Variants in NNT observed in about 807,000 individuals in gnomAD.
NNT encodes NAD(P) transhydrogenase, mitochondrial.
In NNT, 50 loss-of-function variants were observed where a neutral mutation model predicts 104.8. The observed-to-expected ratio is 0.48, with a 90% CI of 0.38 to 0.60. The LOEUF (loss-of-function observed/expected upper bound fraction) is 0.60. Ranked by LOEUF, NNT falls within the 20% of genes least tolerant of loss-of-function variation. The pLI, the probability that NNT is intolerant of heterozygous loss-of-function variation, is 0.00. For synonymous variants in NNT, 461 were observed against 490.4 expected (o/e 0.94, Z 0.79); for missense variants, 1,131 against 1,330.7 (o/e 0.85, Z 2.33).
In NNT at chr5:43,644,340, G is replaced by A. The variant is rs3764980; in HGVS notation, c.1098+15G>A. On this transcript the variant is annotated intron_variant, in intron 8 of 21. Transcript: ENST00000344920. Reference sequence around the variant, plus strand: ...ACATTCATAAGGTATAGCAAGATGCGTTTTCTATCTGTGATCACTTCTCAT... The same window carrying A: ...ACATTCATAAGGTATAGCAAGATGCATTTTCTATCTGTGATCACTTCTCAT... The A allele has an allele frequency of 0.04, 63,909 of 1,609,166 alleles. 1,672 individuals are homozygous for A. Among genetic ancestry groups the A allele is most frequent in the East Asian group, 0.11 (5,116 of 44,802 alleles).
chr5:43,665,536 A>G (rs1377240580), intron 17 of NNT, among the ~76,000 whole-genome samples: 1 of 152,200 alleles, frequency 6.6e-6, no homozygotes, highest in Non-Finnish European at 1.5e-5. Flanking sequence ...TGTTTCAGAA[A>G]GCACCGGGTT....
intron 10 of NNT, among the ~76,000 whole-genome samples, chr5:43,646,464 ATTTT>A (rs373535709): frequency 7.3e-6 from 1 of 136,316 alleles, no homozygotes; most frequent in Non-Finnish European, 1.6e-5. Context: ...TAATTTTTGT[ATTTT>A]TTTTTTTTTT....
intron 17 of NNT, among the ~76,000 whole-genome samples, chr5:43,672,795 C>G (rs994995955): frequency 6.6e-6 from 1 of 152,162 alleles, no homozygotes; most frequent in African/African-American, 2.4e-5. Flanking sequence ...GGGAGAACCA[C>G]TACTCTCTTC....
chr5:43,686,238 AT>A lies in NNT; in HGVS notation c.2876+8446del, dbSNP rs71610328. Among the ~76,000 whole-genome samples the A allele has an allele frequency of 4.7e-3, 660 of 141,880 alleles. 1 individual carries two copies. Among genetic ancestry groups the A allele is most frequent in the Admixed American group, 5.7e-3 (80 of 14,152 alleles). The allele number at this position is 141,880 out of a possible 152,430, so 93.1% of individuals were successfully genotyped here. A position where few individuals can be genotyped will look rare whatever the true frequency, so the allele number is the denominator to read the frequency against. Reference sequence around the variant, plus strand: ...AGAGGAAAATAACAAATACTGTTGAATTTTTTTTTTTTTTGCTTCAAGATAT... The same window carrying A: ...AGAGGAAAATAACAAATACTGTTGAATTTTTTTTTTTTTGCTTCAAGATAT... On this transcript the variant is annotated intron_variant, in intron 19 of 21. Coordinates refer to ENST00000344920, the MANE Select transcript of NNT (RefSeq NM_182977.3).
intron 1 of NNT, among the ~76,000 whole-genome samples, chr5:43,606,574 T>C (rs1749235277): frequency 6.6e-6 from 1 of 152,212 alleles, no homozygotes; most frequent in South Asian, 2.1e-4. Flanking sequence ...CAAATAATTA[T>C]TCATACATAT....
rs752504535 is a variant in NNT at position 43,702,777 on chromosome 5, T to C, written c.3111+41T>C. 25 of 1,380,848 alleles carry C rather than the reference T, an allele frequency of 1.8e-5. No individual in the cohort carries two copies. In the African/African-American group the frequency reaches 3.6e-4, roughly 20 times the overall value. The allele number at this position is 1,380,848 out of a possible 1,614,324, so 85.5% of individuals were successfully genotyped here. On this transcript the variant is annotated intron_variant, in intron 21 of 21. Coordinates refer to ENST00000344920, the MANE Select transcript of NNT (RefSeq NM_182977.3). ...TGTATTTCATTCTGATAATCAAAGG[T>C]CACTTCAAATATACACACAGAACTT... is the stretch of plus-strand genomic sequence containing the variant.
intron 12 of NNT, 108 bp from the exon 13 acceptor site, chr5:43,651,631 G>T: frequency 8.6e-7 from 1 of 1,166,748 alleles, no homozygotes; most frequent in Non-Finnish European, 1.2e-6. Context: ...TTTGTTCCTA[G>T]GTGATAAAGA....
intron 19 of NNT, among the ~76,000 whole-genome samples, chr5:43,684,113 G>A (rs1355506215): frequency 1.3e-5 from 2 of 152,148 alleles, no homozygotes; most frequent in Non-Finnish European, 2.9e-5. Context: ...AAATGTGACT[G>A]TAGCCTGTCA....
At chr5:43,673,631 A>G (rs1741251410) in intron 17 of NNT, among the ~76,000 whole-genome samples, 2 of 152,188 alleles carry the variant, frequency 1.3e-5, no homozygotes, top group African/African-American at 2.4e-5. Flanking sequence ...AGATGTGGCT[A>G]TTTGTGTTTC....
At chr5:43,683,474 C>T (rs1380338214) in intron 19 of NNT, among the ~76,000 whole-genome samples, 1 of 152,204 alleles carries the variant, frequency 6.6e-6, no homozygotes, top group East Asian at 1.9e-4. Flanking sequence ...ACTCTTGTCA[C>T]AGGCATTCCT....
intron 7 of NNT, among the ~76,000 whole-genome samples, chr5:43,633,875 A>T (rs894604092): frequency 1.3e-5 from 2 of 151,978 alleles, no homozygotes; most frequent in African/African-American, 4.8e-5. Flanking sequence ...AATTATTCAA[A>T]ACTGGAACAC....
intron 17 of NNT, among the ~76,000 whole-genome samples, chr5:43,663,207 T>C (rs906077638): frequency 6.6e-6 from 1 of 152,206 alleles, no homozygotes; most frequent in African/African-American, 2.4e-5. Context: ...TAACTTTCTT[T>C]TTTTCTTGGT....
chr5:43,651,162 C>CT (rs796689986), intron 12 of NNT, among the ~76,000 whole-genome samples: 12 of 152,054 alleles, frequency 7.9e-5, no homozygotes, highest in South Asian at 2.1e-4. Flanking sequence ...TTTTGAATGG[C>CT]TTTTTTTTCC....
At chr5:43,634,297 T>C (rs964859987) in intron 7 of NNT, among the ~76,000 whole-genome samples, 1 of 152,194 alleles carries the variant, frequency 6.6e-6, no homozygotes, top group Non-Finnish European at 1.5e-5. Flanking sequence ...AGTGGAAATA[T>C]AGCGCAAAAG....
intron 19 of NNT, among the ~76,000 whole-genome samples, chr5:43,696,360 G>A (rs1196932726): frequency 6.6e-6 from 1 of 152,188 alleles, no homozygotes; most frequent in African/African-American, 2.4e-5. Context: ...TGATACAAGA[G>A]GTGGGTTCCC....
chr5:43,632,125 C>T (rs958985500), intron 7 of NNT, among the ~76,000 whole-genome samples: 11 of 152,164 alleles, frequency 7.2e-5, no homozygotes, highest in Non-Finnish European at 1.3e-4. Context: ...CATGAAGGTA[C>T]AAATGCCCTT....
In NNT at chr5:43,615,971, C is replaced by T; in HGVS notation, c.505C>T (p.Gln169Ter). 1 of 1,614,046 alleles carries T rather than the reference C, an allele frequency of 6.2e-7. No individual in the cohort carries two copies. The highest frequency in any genetic ancestry group is 8.5e-7 in the Non-Finnish European group (1 of 1,179,986). ...TCCAGAGTTGCTAAATAAACTTTCC[C>T]AAAGAAAAACTACAGTTCTGGCAAT... ...QNPELLNKLSQRKTTVLAMDQ... is the reference protein window; with the variant it reads ...QNPELLNKLS The change falls in exon 4 of 22, where the codon CAA becomes TAA. Residue 169 changes from glutamine (Q) to a stop codon, truncating the protein, a stop_gained. Coordinates refer to ENST00000344920, the MANE Select transcript of NNT (RefSeq NM_182977.3). LOFTEE classifies it high-confidence loss of function.
chr5:43,685,516 C>G (rs1379946817), intron 19 of NNT, among the ~76,000 whole-genome samples: 1 of 151,982 alleles, frequency 6.6e-6, no homozygotes, highest in East Asian at 1.9e-4. Flanking sequence ...TGATCCTTGT[C>G]ACTATTTATA....
chr5:43,621,946 A>T (rs1750119253), intron 5 of NNT, among the ~76,000 whole-genome samples: 1 of 152,190 alleles, frequency 6.6e-6, no homozygotes, highest in Non-Finnish European at 1.5e-5. Context: ...GTGATCTGAG[A>T]TCATGTTGGA....
Sources: allele counts gnomAD v4.1 joint callset (sites outside exome capture counted in the v4.1 genomes callset), GRCh38; gene constraint gnomAD v4.1.1; transcripts MANE v1.5; gene names NCBI Gene and HGNC (gene_info 2026-07-23, HGNC 2026-07-21).